NBPF9: variants seen among roughly 807,000 people sequenced by gnomAD.
NBPF9 encodes NBPF family member NBPF9.
In NBPF9, 91 loss-of-function variants were observed where a neutral mutation model predicts 97.8. That is an observed-to-expected ratio of 0.93 (90% CI 0.79 to 1.11). The LOEUF is 1.11. Among genes scored for constraint, NBPF9 ranks in the 50% least tolerant of loss-of-function variants. The pLI, the probability that NBPF9 is intolerant of heterozygous loss-of-function variation, is 0.00. For synonymous variants in NBPF9, 334 were observed against 359.5 expected (o/e 0.93, Z 0.80); for missense variants, 992 against 939.5 (o/e 1.06, Z -0.73).
chr1:149,093,248 A>G (rs1294428963), intron 4 of NBPF9, among the ~76,000 whole-genome samples: 1 of 151,622 alleles, frequency 6.6e-6, no homozygotes, highest in Non-Finnish European at 1.5e-5. Context: ...TGCTGCCAGC[A>G]TGTCCCACCT....
At chr1:149,072,654 A>G (rs1479565170) in intron 14 of NBPF9, 64 bp downstream of exon 14, 3 of 1,539,016 alleles carry the variant, frequency 1.9e-6, no homozygotes, top group Non-Finnish European at 2.7e-6. Context: ...TTGTGAAAGT[A>G]TGGAGGTCTG....
At position 149,073,984 on chromosome 1, in the gene NBPF9, G is replaced by A. The variant is rs1220675093; in HGVS notation, c.989-114C>T. ...AAGGACAAAACTCTCCCCAGTACCA[G>A]GGTCTAGACAGGGATTTCCACATCT... On this transcript the variant is annotated intron_variant, in intron 12 of 29. Transcript: ENST00000584027. 28 of 605,396 alleles carry A rather than the reference G, an allele frequency of 4.6e-5. 1 individual carries two copies. The highest frequency in any genetic ancestry group is 5.9e-5 in the Non-Finnish European group (20 of 340,114). The allele number at this position is 605,396 out of a possible 1,614,324, so 37.5% of individuals were successfully genotyped here.
In NBPF9 at chr1:149,094,889, A is replaced by G. The variant is rs322096; in HGVS notation, c.-337+3549T>C. Among the ~76,000 whole-genome samples, 2,017 of 137,670 alleles carry G rather than the reference A, an allele frequency of 0.015. 66 individuals are homozygous for G. In the East Asian group the frequency reaches 0.17, roughly 12 times the overall value. The allele number at this position is 137,670 out of a possible 152,430, so 90.3% of individuals were successfully genotyped here. ...AGCAAGTGGGAGGAGCACTTAAATGATATTGACAGATTACTAGAAGCTGAG... is the reference window on the plus strand; with the variant it reads ...AGCAAGTGGGAGGAGCACTTAAATGGTATTGACAGATTACTAGAAGCTGAG... On this transcript the variant is annotated intron_variant, in intron 4 of 29. Coordinates refer to ENST00000584027, the Ensembl canonical transcript of NBPF9.
intron 5 of NBPF9, among the ~76,000 whole-genome samples, chr1:149,084,240 C>CGT (rs1575860779): frequency 7.1e-6 from 1 of 141,346 alleles, no homozygotes. Context: ...ACATGGCACA[C>CGT]GTATATATAT....
chr1:149,056,013 C>G (rs1437885566), intron 29 of NBPF9, 114 bp from the exon 30 acceptor site: 8 of 1,592,842 alleles, frequency 5.0e-6, no homozygotes, highest in Non-Finnish European at 6.0e-6. Context: ...AGGATAGATC[C>G]ATTAATGAGG....
intron 5 of NBPF9, among the ~76,000 whole-genome samples, chr1:149,086,915 GTCTA>G (rs1308254040): frequency 6.0e-5 from 9 of 151,158 alleles, no homozygotes; most frequent in Non-Finnish European, 8.9e-5. Flanking sequence ...TGGAATGACT[GTCTA>G]TCTGATTTGT....
rs2078505715 is a variant in NBPF9 at position 149,060,144 on chromosome 1, T to C, written c.2477-336A>G. 2.8e-5 allele frequency: 6 copies of C among 217,358 alleles called. No homozygotes were observed. The South Asian group carries it at 2.8e-4, about 10-fold the overall frequency. The allele number at this position is 217,358 out of a possible 1,614,324, so 13.5% of individuals were successfully genotyped here. A position where few individuals can be genotyped will look rare whatever the true frequency, so the allele number is the denominator to read the frequency against. On this transcript the variant is annotated intron_variant, in intron 24 of 29. Transcript: ENST00000584027. ...GGAGAAAAACTGCAATATTTAGCCC[T>C]GTCTCATCAAATACTCAGATTGTTC...
chr1:149,075,017 G>A (rs1259393425), intron 12 of NBPF9, among the ~76,000 whole-genome samples: 5 of 151,042 alleles, frequency 3.3e-5, no homozygotes, highest in South Asian at 2.1e-4. Context: ...TCTCCATGTT[G>A]CCCAGGCTGG....
At chr1:149,073,385 TTGAG>T in intron 13 of NBPF9, among the ~76,000 whole-genome samples, 1 of 141,138 alleles carries the variant, frequency 7.1e-6, no homozygotes, top group African/African-American at 2.7e-5. Context: ...GCAACATTGA[TTGAG>T]TGAAAGAATG....
chr1:149,078,534 G>C (rs78313760), intron 9 of NBPF9, among the ~76,000 whole-genome samples: 2 of 124,258 alleles, frequency 1.6e-5, no homozygotes, highest in South Asian at 3.2e-4. Context: ...AAAAGCATTC[G>C]TAAGTGTTCC....
chr1:149,075,631 T>C lies in NBPF9; in HGVS notation c.988+24A>G, dbSNP rs1456789324. Reference sequence around the variant, plus strand: ...GACAGGACGTCGTTCATCACTTTCGTGATGGTGAGCCTATAGATCTTACTG... The same window carrying C: ...GACAGGACGTCGTTCATCACTTTCGCGATGGTGAGCCTATAGATCTTACTG... On this transcript the variant is annotated intron_variant, in intron 12 of 29. Coordinates refer to ENST00000584027, the Ensembl canonical transcript of NBPF9. 2.5e-6 allele frequency: 4 copies of C among 1,603,830 alleles called. No individual in the cohort carries two copies. In the African/African-American group the frequency reaches 4.0e-5, roughly 16 times the overall value.
rs2078851777 is a variant in NBPF9, at chr1:149,064,068, A to G, written c.1854-263T>C. ...GAGCTGAGTGATTTGGTCAGGTGAC[A>G]CACTGATGAGGGAGTCAAAGGACAC... On this transcript the variant is annotated intron_variant, in intron 19 of 29. Coordinates refer to ENST00000584027, the Ensembl canonical transcript of NBPF9. Among the ~76,000 whole-genome samples, 10 of 137,338 alleles carry G rather than the reference A, an allele frequency of 7.3e-5. 2 individuals carry two copies. The South Asian group carries it at 2.4e-3, about 33-fold the overall frequency. 90.1% of individuals were successfully genotyped at this position (137,338 alleles called of 152,430 possible).
At chr1:149,077,400 C>T in exon 11 of NBPF9, 4 of 1,609,956 alleles carry the variant, frequency 2.5e-6, no homozygotes, top group Non-Finnish European at 2.5e-6. Flanking sequence ...ACTTTGCTCT[C>T]TTCAGCCTTC....
At chr1:149,071,194 C>A (rs2079381039) in intron 15 of NBPF9, 55 bp from the exon 16 acceptor site, 1 of 1,193,984 alleles carries the variant, frequency 8.4e-7, no homozygotes, top group African/African-American at 1.5e-5. Flanking sequence ...AGGGATTGGA[C>A]CCCAGGGAGT....
chr1:149,094,752 T>C (rs1414814482), intron 4 of NBPF9, among the ~76,000 whole-genome samples: 1 of 145,100 alleles, frequency 6.9e-6, no homozygotes, highest in Non-Finnish European at 1.5e-5. Context: ...TCAACCCTTC[T>C]AGGGTGGATC....
rs1164944727 is a variant in NBPF9 at position 149,062,598 on chromosome 1, T to C, written c.2078+264A>G. Among the ~76,000 whole-genome samples the C allele has an allele frequency of 1.5e-4, 20 of 137,822 alleles. 1 individual carries two copies. Among genetic ancestry groups the C allele is most frequent in the Non-Finnish European group, 2.8e-4 (18 of 63,508 alleles). The allele number at this position is 137,822 out of a possible 152,430, so 90.4% of individuals were successfully genotyped here. On this transcript the variant is annotated intron_variant, in intron 21 of 29. Transcript: ENST00000584027. Reference sequence around the variant, plus strand: ...GTGATCATGAAAAGAGTGGGCTCAATAATTTTCCATAAACTTGCTCAAGAT... The same window carrying C: ...GTGATCATGAAAAGAGTGGGCTCAACAATTTTCCATAAACTTGCTCAAGAT...
chr1:149,059,432 G>A (rs1460289650), intron 25 of NBPF9: 4 of 402,352 alleles, frequency 9.9e-6, no homozygotes, highest in South Asian at 8.2e-5. Context: ...GAGCTCAATA[G>A]TTTTCCATAA....
At chr1:149,052,659 CAT>C (rs1378886709), downstream of NBPF9, among the ~76,000 whole-genome samples, 1,717 of 149,526 alleles carry the variant, frequency 0.011, 2 homozygotes, top group Non-Finnish European at 0.019. Context: ...TATACACACA[CAT>C]ATACATTTCA....
In NBPF9 at chr1:149,081,354, G is replaced by A. The variant is rs587680660; in HGVS notation, c.175+611C>T. 1.6e-4 allele frequency among the ~76,000 whole-genome samples: 24 copies of A among 151,916 alleles called. 1 individual carries two copies. Among genetic ancestry groups the A allele is most frequent in the South Asian group, 6.3e-4 (3 of 4,772 alleles). ...AGGCTAGTCTCAAACTGCTGACCTC[G>A]TGCTCTGCCCGCCTCAGCCTCCCAA... On this transcript the variant is annotated intron_variant, in intron 7 of 29. Transcript: ENST00000584027.
Sources: allele counts gnomAD v4.1 joint callset (sites outside exome capture counted in the v4.1 genomes callset), GRCh38; gene constraint gnomAD v4.1.1; transcripts MANE v1.5; gene names NCBI Gene and HGNC (gene_info 2026-07-23, HGNC 2026-07-21).